The following GMPR variants were observed in gnomAD, a reference collection of about 807,000 sequenced individuals.
GMPR encodes the protein GMP reductase 1.
In GMPR, 31 loss-of-function variants were observed where a neutral mutation model predicts 38.4. That is an observed-to-expected ratio of 0.81 (90% CI 0.61 to 1.09). GMPR has a LOEUF of 1.09. Among genes scored for constraint, GMPR ranks in the 50% least tolerant of loss-of-function variants. The pLI, the probability that GMPR is intolerant of heterozygous loss-of-function variation, is 0.00. For synonymous variants in GMPR, 162 were observed against 173.3 expected (o/e 0.93, Z 0.51); for missense variants, 468 against 453.7 (o/e 1.03, Z -0.29).
At chr6:16,249,357 AT>A (rs1758822457) in intron 2 of GMPR, among the ~76,000 whole-genome samples, 1 of 151,950 alleles carries the variant, frequency 6.6e-6, no homozygotes, top group African/African-American at 2.4e-5. Flanking sequence ...TTTAGTAGAG[AT>A]GGGGTTTCAC....
At chr6:16,286,370 A>G (rs1300332014) in intron 7 of GMPR, among the ~76,000 whole-genome samples, 1 of 151,900 alleles carries the variant, frequency 6.6e-6, no homozygotes, top group Non-Finnish European at 1.5e-5. Context: ...CAGCCTCTCA[A>G]CACCACAAGC....
intron 4 of GMPR, among the ~76,000 whole-genome samples, chr6:16,270,714 G>T (rs1759368082): frequency 6.6e-6 from 1 of 152,196 alleles, no homozygotes. Flanking sequence ...AAGCATTCTT[G>T]CTGTGCTGTC....
At chr6:16,274,380 G>A in intron 4 of GMPR, 35 bp from the exon 5 acceptor site, 1 of 1,314,804 alleles carries the variant, frequency 7.6e-7, no homozygotes, top group Non-Finnish European at 1.1e-6. Context: ...AGCAATAGTA[G>A]TTCATGATCA....
chr6:16,266,900 G>A (rs940781715), intron 4 of GMPR, among the ~76,000 whole-genome samples: 3 of 151,720 alleles, frequency 2.0e-5, no homozygotes, highest in Admixed American at 6.6e-5. Flanking sequence ...AACTCCGGAC[G>A]TGCCACCTTT....
intron 1 of GMPR, among the ~76,000 whole-genome samples, chr6:16,243,146 G>T (rs190704022): frequency 2.0e-5 from 3 of 152,280 alleles, no homozygotes; most frequent in African/African-American, 7.2e-5. Flanking sequence ...AGAGTTTGGC[G>T]CTGTTCTGAG....
chr6:16,290,987 CAGGCTGAA>C (rs1759831362), intron 8 of GMPR, among the ~76,000 whole-genome samples: 1 of 152,190 alleles, frequency 6.6e-6, no homozygotes, highest in Admixed American at 6.5e-5. Flanking sequence ...GAGAAGAGTT[CAGGCTGAA>C]AGGATTGAGT....
intron 4 of GMPR, among the ~76,000 whole-genome samples, chr6:16,256,040 A>G (rs1198724567): frequency 6.6e-6 from 1 of 151,674 alleles, no homozygotes; most frequent in East Asian, 1.9e-4. Flanking sequence ...ACATGGCGAA[A>G]CCGTGTCTCT....
intron 4 of GMPR, among the ~76,000 whole-genome samples, chr6:16,257,363 G>A (rs1343154756): frequency 6.6e-6 from 1 of 151,986 alleles, no homozygotes; most frequent in African/African-American, 2.4e-5. Context: ...ACGATAAACT[G>A]GTAAACATTC....
In GMPR at chr6:16,246,948, C is replaced by T; in HGVS notation, c.194C>T (p.Ala65Val). 1.2e-6 allele frequency: 2 copies of T among 1,613,954 alleles called. No homozygotes were observed. Among genetic ancestry groups the T allele is most frequent in the Non-Finnish European group, 1.7e-6 (2 of 1,179,888 alleles). The change falls in exon 2 of 9, where the codon GCC (alanine) becomes GTC (valine). Residue 65 changes from alanine to valine, a missense_variant. Physicochemically the swap from Ala to Val is moderately conservative, Grantham distance 64 (BLOSUM62 0). Coordinates refer to ENST00000259727, the MANE Select transcript of GMPR (RefSeq NM_006877.4). ...MDTVGTFEMA[A>V]VMSQHSMFTA... ...ACTGTGGGCACGTTTGAGATGGCAG[C>T]CGTGATGTCACAGGTGAGGCGGTAG...
rs149384698 is a variant in GMPR at position 16,287,241 on chromosome 6, A to G, written c.697+1406A>G. 2.1e-3 allele frequency among the ~76,000 whole-genome samples: 314 copies of G among 152,350 alleles called. 1 individual carries two copies. Among genetic ancestry groups the G allele is most frequent in the African/African-American group, 7.3e-3 (302 of 41,584 alleles). On this transcript the variant is annotated intron_variant, in intron 7 of 8. Transcript: ENST00000259727. ...TCACTTACCCTTTATTGTAAGGATC[A>G]TTGGCCAAGGGCATTTTTATGATTG...
intron 2 of GMPR, among the ~76,000 whole-genome samples, chr6:16,249,421 C>G (rs947259559): frequency 6.6e-6 from 1 of 152,198 alleles, no homozygotes; most frequent in Admixed American, 6.5e-5. Flanking sequence ...CCACCCACCT[C>G]AGCCTCCCCA....
At chr6:16,290,285 C>G in intron 7 of GMPR, 177 bp from the exon 8 acceptor site, 1 of 667,552 alleles carries the variant, frequency 1.5e-6, no homozygotes, top group East Asian at 2.5e-5. Flanking sequence ...TTTCTCCCTG[C>G]ATGGAAGCCT....
intron 4 of GMPR, among the ~76,000 whole-genome samples, chr6:16,260,975 G>A (rs1264757865): frequency 6.6e-6 from 1 of 151,996 alleles, no homozygotes; most frequent in Non-Finnish European, 1.5e-5. Flanking sequence ...TCAGGTATGA[G>A]GAAGAAAATA....
chr6:16,264,854 A>AG (rs1238619359), intron 4 of GMPR, among the ~76,000 whole-genome samples: 1 of 152,232 alleles, frequency 6.6e-6, no homozygotes, highest in African/African-American at 2.4e-5. Flanking sequence ...TGCAGGTCAC[A>AG]GGGGATATGA....
At chr6:16,294,282 A>T (rs1759893226) in intron 8 of GMPR, among the ~76,000 whole-genome samples, 1 of 152,198 alleles carries the variant, frequency 6.6e-6, no homozygotes, top group South Asian at 2.1e-4. Context: ...TGATAGGTGT[A>T]GTGACCTGTA....
chr6:16,251,669 G>T (rs1758878172), intron 3 of GMPR, among the ~76,000 whole-genome samples: 1 of 152,234 alleles, frequency 6.6e-6, no homozygotes, highest in African/African-American at 2.4e-5. Flanking sequence ...TAGATTAGTG[G>T]CCTGAGGGGC....
intron 3 of GMPR, among the ~76,000 whole-genome samples, chr6:16,250,970 G>GA (rs1358916367): frequency 6.6e-6 from 1 of 152,128 alleles, no homozygotes; most frequent in Non-Finnish European, 1.5e-5. Context: ...AGCTGCTTTG[G>GA]AAAACAGTTG....
At chr6:16,281,654 G>A (rs987881658) in intron 6 of GMPR, among the ~76,000 whole-genome samples, 5 of 148,672 alleles carry the variant, frequency 3.4e-5, no homozygotes, top group Non-Finnish European at 7.4e-5. Flanking sequence ...ACAGGCACGC[G>A]CCACCACGCT....
chr6:16,254,117 G>A (rs556728824), intron 3 of GMPR, among the ~76,000 whole-genome samples: 27 of 152,250 alleles, frequency 1.8e-4, no homozygotes, highest in Non-Finnish European at 2.6e-4. Context: ...TTTTAATAGA[G>A]ACAGAGTTTC....
Sources: allele counts gnomAD v4.1 joint callset (sites outside exome capture counted in the v4.1 genomes callset), GRCh38; gene constraint gnomAD v4.1.1; transcripts MANE v1.5; gene names NCBI Gene and HGNC (gene_info 2026-07-23, HGNC 2026-07-21).